Variants in UBASH3B observed in about 807,000 individuals in gnomAD.
UBASH3B encodes ubiquitin associated and SH3 domain containing B.
UBASH3B carries 37 observed loss-of-function variants against 83.4 expected under a neutral mutation model. The observed-to-expected ratio is 0.44, with a 90% CI of 0.34 to 0.58. UBASH3B has a LOEUF of 0.58. Ranked by LOEUF, UBASH3B falls within the 20% of genes least tolerant of loss-of-function variation. UBASH3B has a pLI of 0.01. For missense variants in UBASH3B, 657 were observed against 827.2 expected, an observed-to-expected ratio of 0.79 and a Z score of 2.52; for synonymous variants, 304 against 318.3, an observed-to-expected ratio of 0.96 and a Z score of 0.48.
At chr11:122,698,032 G>T (rs1342685130) in intron 1 of UBASH3B, among the ~76,000 whole-genome samples, 1 of 152,158 alleles carries the variant, frequency 6.6e-6, no homozygotes, top group African/African-American at 2.4e-5. Context: ...TTTGAACCTA[G>T]ATTTGTCTCA....
Position 122,778,852 on chromosome 11 carries a change from G to A in UBASH3B, c.403-645G>A, listed in dbSNP as rs147486404. On this transcript the variant is annotated intron_variant, in intron 3 of 13. Coordinates refer to ENST00000284273, the MANE Select transcript of UBASH3B (RefSeq NM_032873.5). ...ACTCCAGTCCTCAAGTGATCTGCCC[G>A]CCTCAGCCTCCCAAAGTGCTGGGAT... is the stretch of plus-strand genomic sequence containing the variant. Among the ~76,000 whole-genome samples, 1,096 of 152,078 alleles carry A rather than the reference G, an allele frequency of 7.2e-3. 15 individuals carry two copies. The highest frequency in any genetic ancestry group is 0.025 in the African/African-American group (1,042 of 41,458).
chr11:122,725,076 TCTC>T (rs2135947364), intron 1 of UBASH3B, among the ~76,000 whole-genome samples: 1 of 134,664 alleles, frequency 7.4e-6, no homozygotes, highest in East Asian at 2.6e-4. Context: ...TTCAATCAAT[TCTC>T]CTGCCTCAGC....
At chr11:122,798,352 T>C (rs972089373) in intron 9 of UBASH3B, among the ~76,000 whole-genome samples, 7 of 152,140 alleles carry the variant, frequency 4.6e-5, no homozygotes, top group African/African-American at 1.7e-4. Context: ...CAAAGTATTG[T>C]CCTGTTTCTA....
At chr11:122,726,861 C>G (rs187416763) in intron 1 of UBASH3B, among the ~76,000 whole-genome samples, 6 of 152,308 alleles carry the variant, frequency 3.9e-5, no homozygotes, top group Admixed American at 1.3e-4. Flanking sequence ...ACAATATTGT[C>G]CGCCCTGACT....
At chr11:122,670,887 C>T (rs777012227) in intron 1 of UBASH3B, among the ~76,000 whole-genome samples, 4 of 151,912 alleles carry the variant, frequency 2.6e-5, no homozygotes, top group East Asian at 1.9e-4. Context: ...CCCAGCCTCC[C>T]GAGTAGCTGA....
chr11:122,713,357 G>A (rs981270118), intron 1 of UBASH3B, among the ~76,000 whole-genome samples: 1 of 152,288 alleles, frequency 6.6e-6, no homozygotes, highest in Admixed American at 6.5e-5. Flanking sequence ...GTGGTCAGCT[G>A]ACTCTGCGGC....
At chr11:122,699,909 G>A (rs1864020583) in intron 1 of UBASH3B, among the ~76,000 whole-genome samples, 1 of 152,122 alleles carries the variant, frequency 6.6e-6, no homozygotes, top group Non-Finnish European at 1.5e-5. Flanking sequence ...TCAATGTCTT[G>A]TAATCTATTA....
At chr11:122,666,786 A>C (rs1175828888) in intron 1 of UBASH3B, among the ~76,000 whole-genome samples, 12 of 151,590 alleles carry the variant, frequency 7.9e-5, no homozygotes, top group Admixed American at 7.9e-4. Flanking sequence ...CTTTTTTCCT[A>C]ATCAGATTTT....
intron 1 of UBASH3B, among the ~76,000 whole-genome samples, chr11:122,721,242 C>T (rs1860629787): frequency 1.3e-5 from 1 of 75,702 alleles, no homozygotes. Flanking sequence ...AAGACTGTGT[C>T]TCAAAAAAAA....
At chr11:122,768,811 C>T (rs1191189166) in intron 1 of UBASH3B, among the ~76,000 whole-genome samples, 2 of 152,110 alleles carry the variant, frequency 1.3e-5, no homozygotes, top group African/African-American at 4.8e-5. Flanking sequence ...AGCCTATTTA[C>T]TCATATATTT....
intron 1 of UBASH3B, among the ~76,000 whole-genome samples, chr11:122,663,672 G>A (rs757800868): frequency 6.6e-6 from 1 of 152,206 alleles, no homozygotes; most frequent in Non-Finnish European, 1.5e-5. Context: ...GCCTGTGTAA[G>A]GGTATCTCCT....
At chr11:122,663,287 A>G (rs1222204312) in intron 1 of UBASH3B, among the ~76,000 whole-genome samples, 1 of 152,164 alleles carries the variant, frequency 6.6e-6, no homozygotes, top group African/African-American at 2.4e-5. Flanking sequence ...TTACGCCAGA[A>G]TTTCTAATAA....
At chr11:122,752,533 G>C (rs1431408566) in intron 1 of UBASH3B, among the ~76,000 whole-genome samples, 1 of 152,240 alleles carries the variant, frequency 6.6e-6, no homozygotes, top group Non-Finnish European at 1.5e-5. Context: ...GCAAAATGAA[G>C]TAGCAGCTTC....
intron 1 of UBASH3B, among the ~76,000 whole-genome samples, chr11:122,742,121 AG>A (rs1458911051): frequency 6.6e-6 from 1 of 152,236 alleles, no homozygotes; most frequent in Non-Finnish European, 1.5e-5. Context: ...CGCTTCCTCC[AG>A]GAAGATTCTT....
rs1486755006 is a variant in UBASH3B at position 122,806,098 on chromosome 11, A to G, written c.1596-312A>G. Among the ~76,000 whole-genome samples, 2 of 152,208 alleles carry G rather than the reference A, an allele frequency of 1.3e-5. No individual in the cohort carries two copies. The highest frequency in any genetic ancestry group is 2.9e-5 in the Non-Finnish European group (2 of 68,040). On this transcript the variant is annotated intron_variant, in intron 11 of 13. Coordinates refer to ENST00000284273, the MANE Select transcript of UBASH3B (RefSeq NM_032873.5). The surrounding 1 kb of genome is among the most constrained non-coding windows in gnomAD (Gnocchi z 4.0). ...GGGTTCCATCTCTGCTTTGTTTTGT[A>G]TTAGCTATGTGACTAGGACCATCCA... is the stretch of plus-strand genomic sequence containing the variant.
rs1202508750 is a variant in UBASH3B, at chr11:122,758,436, A to G, written c.162-17783A>G. Among the ~76,000 whole-genome samples, 1 of 152,156 alleles carries G rather than the reference A, an allele frequency of 6.6e-6. No individual in the cohort carries two copies. The highest frequency in any genetic ancestry group is 1.5e-5 in the Non-Finnish European group (1 of 68,028). ...CAGAGCATCTGCCAGGAACTGTTTT[A>G]CCAAAAGATTCCCTCCAGGAGCTTC... On this transcript the variant is annotated intron_variant, in intron 1 of 13. Transcript: ENST00000284273. This position sits in a 1 kb window ranked among gnomAD's most constrained non-coding sequence, Gnocchi z 4.2.
At chr11:122,681,679 C>A in intron 1 of UBASH3B, among the ~76,000 whole-genome samples, 1 of 143,436 alleles carries the variant, frequency 7.0e-6, no homozygotes, top group Non-Finnish European at 1.6e-5. Flanking sequence ...CATATGCATT[C>A]TTCTGTACAC....
Position 122,814,256 on chromosome 11 carries a change from G to T in UBASH3B, c.*4370G>T, listed in dbSNP as rs1197474877. The T allele has an allele frequency of 6.6e-6, 1 of 152,474 alleles. No homozygotes were observed. The highest frequency in any genetic ancestry group is 1.5e-5 in the Non-Finnish European group (1 of 67,992). The allele number at this position is 152,474 out of a possible 1,614,324, so 9.4% of individuals were successfully genotyped here. On this transcript the variant is annotated 3_prime_UTR_variant, in exon 14 of 14. Coordinates refer to ENST00000284273, the MANE Select transcript of UBASH3B (RefSeq NM_032873.5). ...GTATTTTTTTTTGTATGTGATTCAG[G>T]TGTATTTATTTGAAGACTATTTGTA...
At chr11:122,664,645 C>T (rs1185945899) in intron 1 of UBASH3B, among the ~76,000 whole-genome samples, 12 of 152,196 alleles carry the variant, frequency 7.9e-5, no homozygotes, top group Admixed American at 7.9e-4. Context: ...TTTCTTGTTT[C>T]ATCTTGCTCA....
Sources: gnomAD v4.1 joint callset for allele counts (sites outside exome capture counted in the v4.1 genomes callset) on GRCh38, gnomAD v4.1.1 for gene constraint, Gnocchi (gnomAD v3.1) non-coding constraint, MANE v1.5 for transcripts, NCBI Gene and HGNC (gene_info 2026-07-23, HGNC 2026-07-21) for gene names.